Variants in DDX60L observed in about 807,000 individuals in gnomAD.
DDX60L encodes the protein DExD/H-box 60 like.
Under a neutral mutation model 211.6 loss-of-function variants are expected in DDX60L, and 191 were observed. That is an observed-to-expected ratio of 0.90 (90% CI 0.80 to 1.02). The LOEUF is 1.02. Ranked by LOEUF, DDX60L falls within the 50% of genes least tolerant of loss-of-function variation. The pLI is 0.00. For synonymous variants in DDX60L, 706 were observed against 694.1 expected (o/e 1.02, Z -0.27); for missense variants, 2,007 against 1,984.1 (o/e 1.01, Z -0.22).
intron 9 of DDX60L, among the ~76,000 whole-genome samples, chr4:168,442,681 A>G (rs1310124388): frequency 2.0e-5 from 3 of 151,610 alleles, no homozygotes; most frequent in African/African-American, 7.3e-5. Context: ...TGGAGATCTG[A>G]GAACGGGCAG....
At chr4:168,412,536 A>T (rs750896611) in intron 22 of DDX60L, among the ~76,000 whole-genome samples, 1 of 151,620 alleles carries the variant, frequency 6.6e-6, no homozygotes, top group Non-Finnish European at 1.5e-5. Context: ...GAGTAGATAG[A>T]TCCTGACTCC....
At chr4:168,460,445 A>C (rs1757172533) in intron 5 of DDX60L, among the ~76,000 whole-genome samples, 1 of 152,126 alleles carries the variant, frequency 6.6e-6, no homozygotes, top group Non-Finnish European at 1.5e-5. Flanking sequence ...CCTATATGCA[A>C]CACAGGAACC....
At chr4:168,447,671 T>TATAC (rs1192248413) in intron 9 of DDX60L, among the ~76,000 whole-genome samples, 161 of 151,202 alleles carry the variant, frequency 1.1e-3, no homozygotes, top group Admixed American at 3.7e-3. Flanking sequence ...ATGCGGCACA[T>TATAC]ATACACCATG....
rs1757380583 is a variant in DDX60L at position 168,461,998 on chromosome 4, A to G, written c.307T>C (p.Leu103=). 1.9e-6 allele frequency: 3 copies of G among 1,611,558 alleles called. No homozygotes were observed. Among genetic ancestry groups the G allele is most frequent in the East Asian group, 2.2e-5 (1 of 44,824 alleles). The change falls in exon 5 of 38, where the codon TTG becomes CTG. Residue 103 remains leucine, a synonymous_variant. Coordinates refer to ENST00000682922, the MANE Select transcript of DDX60L (RefSeq NM_001012967.3). Reference sequence around the variant, plus strand: ...AGGTGGAGAATTAAAGCGGTCCTCAATGAAAGAAGTTCAGGAAAATCAAAA... The same window carrying G: ...AGGTGGAGAATTAAAGCGGTCCTCAGTGAAAGAAGTTCAGGAAAATCAAAA... ...AYFDFPELLS[L]RTALILHLQH...
At chr4:168,429,016 A>G (rs1043448184) in intron 13 of DDX60L, among the ~76,000 whole-genome samples, 7 of 152,250 alleles carry the variant, frequency 4.6e-5, no homozygotes, top group Non-Finnish European at 2.9e-5. Context: ...GATTAATGGC[A>G]TAAATGACTT....
intron 6 of DDX60L, among the ~76,000 whole-genome samples, chr4:168,456,734 T>C (rs1342585295): frequency 1.3e-5 from 2 of 152,260 alleles, no homozygotes; most frequent in East Asian, 3.9e-4. Context: ...AATAACCCAA[T>C]ATGTATACAA....
In DDX60L at chr4:168,423,739, T is replaced by C. The variant is rs1296915128; in HGVS notation, c.1966A>G (p.Met656Val). ...ISKDLSIAVQ[M>V]MKRIHSLLER... ...AGGAGTGAATGAATCCTTTTCATCA[T>C]TTGAACAGCTATACTTAAATCTTTC... The change falls in exon 15 of 38, where the codon ATG (methionine) becomes GTG (valine). Residue 656 changes from methionine (M) to valine (V), a missense_variant. By Grantham distance (21) the Met-to-Val change is conservative (BLOSUM62 1). Coordinates refer to ENST00000682922, the MANE Select transcript of DDX60L (RefSeq NM_001012967.3). The C allele has an allele frequency of 1.2e-6, 2 of 1,601,474 alleles. No homozygotes were observed. The highest frequency in any genetic ancestry group is 1.3e-5 in the African/African-American group (1 of 74,270).
At chr4:168,385,549 C>T (rs560919568) in intron 29 of DDX60L, among the ~76,000 whole-genome samples, 1 of 152,250 alleles carries the variant, frequency 6.6e-6, no homozygotes, top group Non-Finnish European at 1.5e-5. Flanking sequence ...TCATAAGTTC[C>T]AGAGGACTGC....
chr4:168,389,794 T>C (rs1020068111), intron 29 of DDX60L, among the ~76,000 whole-genome samples: 3 of 152,158 alleles, frequency 2.0e-5, no homozygotes, highest in Non-Finnish European at 4.4e-5. Flanking sequence ...GTCAAAATAA[T>C]GACAGCTAAA....
intron 29 of DDX60L, chr4:168,390,608 A>T: frequency 1.2e-6 from 1 of 836,254 alleles, no homozygotes; most frequent in East Asian, 3.0e-5. Context: ...TTTATCTTTT[A>T]TATTTCGAGA....
rs562222306 is a variant in DDX60L at position 168,402,653 on chromosome 4, C to T, written c.3338+1329G>A. On this transcript the variant is annotated intron_variant, in intron 25 of 37. Coordinates refer to ENST00000682922, the MANE Select transcript of DDX60L (RefSeq NM_001012967.3). ...AAGCTAAGATTTGACCCAAAGTATG[C>T]GCTCTTAACTACGCCTCTACATGGG... Among the ~76,000 whole-genome samples the T allele has an allele frequency of 5.9e-5, 9 of 152,272 alleles. No homozygotes were observed. In the South Asian group the frequency reaches 8.3e-4, roughly 14 times the overall value.
chr4:168,449,055 A>G (rs1023028229), intron 8 of DDX60L, among the ~76,000 whole-genome samples: 4 of 152,166 alleles, frequency 2.6e-5, no homozygotes, highest in Non-Finnish European at 2.9e-5. Flanking sequence ...TATAGATGAC[A>G]ATACTAACAC....
Position 168,448,850 on chromosome 4 carries a change from A to G in DDX60L, c.997-71T>C, listed in dbSNP as rs1253390123. ...ATTTCATACTCCTGGTTAACCCCCTATAAGGTAGGTCACAAGGGACATTTC... is the reference window on the plus strand; with the variant it reads ...ATTTCATACTCCTGGTTAACCCCCTGTAAGGTAGGTCACAAGGGACATTTC... On this transcript the variant is annotated intron_variant, in intron 8 of 37. Coordinates refer to ENST00000682922, the MANE Select transcript of DDX60L (RefSeq NM_001012967.3). 3.4e-5 allele frequency: 47 copies of G among 1,401,098 alleles called. No homozygotes were observed. In the East Asian group the frequency reaches 9.6e-4, roughly 29 times the overall value. The allele number at this position is 1,401,098 out of a possible 1,614,324, so 86.8% of individuals were successfully genotyped here. A position where few individuals can be genotyped will look rare whatever the true frequency, so the allele number is the denominator to read the frequency against.
intron 33 of DDX60L, among the ~76,000 whole-genome samples, chr4:168,377,363 C>T (rs1287367676): frequency 6.6e-6 from 1 of 151,814 alleles, no homozygotes; most frequent in Non-Finnish European, 1.5e-5. Flanking sequence ...TTCCAGTCCT[C>T]TTCTATTCTT....
At chr4:168,453,374 T>A (rs2150063495) in intron 7 of DDX60L, 92 bp from the exon 8 acceptor site, 2 of 1,319,112 alleles carry the variant, frequency 1.5e-6, no homozygotes. Flanking sequence ...ATCTTCAAAG[T>A]TTTACATCTA....
At chr4:168,376,539 G>C (rs1182225821) in intron 33 of DDX60L, among the ~76,000 whole-genome samples, 4 of 152,202 alleles carry the variant, frequency 2.6e-5, no homozygotes, top group African/African-American at 9.6e-5. Context: ...ACTCCTTACA[G>C]TGGATAGTAT....
At chr4:168,397,019 CA>C (rs1470423268) in intron 26 of DDX60L, among the ~76,000 whole-genome samples, 5 of 152,122 alleles carry the variant, frequency 3.3e-5, no homozygotes, top group Admixed American at 1.3e-4. Context: ...ACAGAGTTTT[CA>C]TGAATGGGAT....
intron 36 of DDX60L, among the ~76,000 whole-genome samples, chr4:168,367,112 C>T (rs967186419): frequency 6.6e-6 from 1 of 152,062 alleles, no homozygotes; most frequent in African/African-American, 2.4e-5. Flanking sequence ...GACTAGACTC[C>T]TACTTCTCAC....
chr4:168,367,191 G>A (rs1169592658), intron 36 of DDX60L, among the ~76,000 whole-genome samples: 5 of 130,170 alleles, frequency 3.8e-5, no homozygotes, highest in African/African-American at 1.1e-4. Context: ...AAACAATATG[G>A]TTTGGCTGTG....
Sources: allele counts gnomAD v4.1 joint callset (sites outside exome capture counted in the v4.1 genomes callset), GRCh38; gene constraint gnomAD v4.1.1; transcripts MANE v1.5; gene names NCBI Gene and HGNC (gene_info 2026-07-23, HGNC 2026-07-21).